NSMCE2: variants seen among roughly 807,000 people sequenced by gnomAD.
NSMCE2 encodes the protein NSE2 SUMO ligase component of SMC5/6 complex, also known as E3 SUMO-protein ligase NSE2.
In NSMCE2, 24 loss-of-function variants were observed where a neutral mutation model predicts 23.8. The observed-to-expected ratio is 1.01, with a 90% confidence interval of 0.73 to 1.42. NSMCE2 has a LOEUF of 1.42. Among genes scored for constraint, NSMCE2 ranks in the 40% most tolerant of loss-of-function variants. The pLI is 0.00. For synonymous variants in NSMCE2, 92 were observed against 94.1 expected (o/e 0.98, Z 0.13); for missense variants, 284 against 296.5 (o/e 0.96, Z 0.31).
intron 5 of NSMCE2, among the ~76,000 whole-genome samples, chr8:125,198,203 G>T (rs953410581): frequency 6.6e-6 from 1 of 152,066 alleles, no homozygotes; most frequent in African/African-American, 2.4e-5. Flanking sequence ...TGATTGCCCT[G>T]GCCAGAACTT....
At chr8:125,193,247 C>T (rs1048101849) in intron 5 of NSMCE2, among the ~76,000 whole-genome samples, 12 of 152,210 alleles carry the variant, frequency 7.9e-5, no homozygotes, top group East Asian at 5.8e-4. Context: ...CAACTTATCA[C>T]GACAGACATT....
intron 3 of NSMCE2, among the ~76,000 whole-genome samples, chr8:125,106,677 T>C (rs1279270412): frequency 6.8e-6 from 1 of 146,812 alleles, no homozygotes; most frequent in Non-Finnish European, 1.5e-5. Context: ...AGAGCAAGAC[T>C]CCATCTCAAA....
At chr8:125,294,107 G>A (rs1236000352) in intron 5 of NSMCE2, among the ~76,000 whole-genome samples, 1 of 152,104 alleles carries the variant, frequency 6.6e-6, no homozygotes, top group African/African-American at 2.4e-5. Context: ...ATGTTTTCAA[G>A]GTTTATCCAT....
chr8:125,135,324 T>TA lies in NSMCE2; in HGVS notation c.158-15846dup, dbSNP rs1029820742. Among the ~76,000 whole-genome samples, 23 of 152,286 alleles carry TA rather than the reference T, an allele frequency of 1.5e-4. 1 individual carries two copies. The highest frequency in any genetic ancestry group is 1.3e-3 in the Admixed American group (20 of 15,278). On this transcript the variant is annotated intron_variant, in intron 3 of 7. Transcript: ENST00000287437. Reference sequence around the variant, plus strand: ...CCTCAACTTCTCAAGTAGCTGGAATTACAAGCTCGAGCCTCTGTGCTTGGC... The same window carrying TA: ...CCTCAACTTCTCAAGTAGCTGGAATTAACAAGCTCGAGCCTCTGTGCTTGGC...
At chr8:125,364,652 T>C (rs1007235755) in intron 7 of NSMCE2, among the ~76,000 whole-genome samples, 1 of 152,100 alleles carries the variant, frequency 6.6e-6, no homozygotes, top group African/African-American at 2.4e-5. Context: ...ATATGCAAGA[T>C]AGAAATAGAT....
chr8:125,289,152 C>T (rs548259846), intron 5 of NSMCE2, among the ~76,000 whole-genome samples: 2 of 152,276 alleles, frequency 1.3e-5, no homozygotes, highest in African/African-American at 4.8e-5. Context: ...CTAAAACTTA[C>T]CACATCCTCA....
chr8:125,355,096 C>T (rs116378582), intron 5 of NSMCE2, among the ~76,000 whole-genome samples: 2,421 of 152,256 alleles, frequency 0.016, 55 homozygotes, highest in African/African-American at 0.055. Context: ...TTTCAAAGTC[C>T]GAAATCCGAA....
At chr8:125,292,564 A>G (rs1828152367) in intron 5 of NSMCE2, among the ~76,000 whole-genome samples, 1 of 152,142 alleles carries the variant, frequency 6.6e-6, no homozygotes, top group South Asian at 2.1e-4. Flanking sequence ...AAAAAAAAAA[A>G]GAACCTATGG....
chr8:125,151,497 A>G (rs963906855), intron 4 of NSMCE2: 1 of 346,172 alleles, frequency 2.9e-6, no homozygotes, highest in Non-Finnish European at 5.2e-6. Context: ...TCTATTTTAG[A>G]TTGCTTGCAA....
At chr8:125,258,281 G>C (rs1563748363) in intron 5 of NSMCE2, among the ~76,000 whole-genome samples, 1 of 152,222 alleles carries the variant, frequency 6.6e-6, no homozygotes, top group Non-Finnish European at 1.5e-5. Context: ...ACAGTGGTGA[G>C]TCTTAGAGTA....
intron 5 of NSMCE2, among the ~76,000 whole-genome samples, chr8:125,193,780 C>T (rs1380817671): frequency 2.0e-5 from 3 of 152,208 alleles, no homozygotes; most frequent in Non-Finnish European, 4.4e-5. Flanking sequence ...TTTATCTTCA[C>T]CCCTAGTTTT....
chr8:125,305,899 C>T (rs1294971786), intron 5 of NSMCE2, among the ~76,000 whole-genome samples: 1 of 152,150 alleles, frequency 6.6e-6, no homozygotes, highest in Non-Finnish European at 1.5e-5. Flanking sequence ...ATCCATTAAA[C>T]AATAACAATC....
At chr8:125,219,232 GT>G (rs1160175156) in intron 5 of NSMCE2, among the ~76,000 whole-genome samples, 1 of 152,148 alleles carries the variant, frequency 6.6e-6, no homozygotes, top group African/African-American at 2.4e-5. Context: ...TACTTTCAGT[GT>G]TCCAAAGCCT....
intron 5 of NSMCE2, among the ~76,000 whole-genome samples, chr8:125,236,488 G>A (rs6981647): frequency 0.075 from 11,375 of 151,910 alleles, 532 homozygotes; most frequent in Middle Eastern, 0.27. Flanking sequence ...ATAAATTTAT[G>A]TGTATATATA....
chr8:125,102,261 C>T (rs1818229174), intron 2 of NSMCE2, 56 bp from the exon 3 acceptor site: 1 of 1,128,322 alleles, frequency 8.9e-7, no homozygotes, highest in South Asian at 1.3e-5. Context: ...TAATATTTTC[C>T]TGTGCAGTTA....
At chr8:125,190,402 G>T (rs911188638) in intron 5 of NSMCE2, among the ~76,000 whole-genome samples, 7 of 152,176 alleles carry the variant, frequency 4.6e-5, no homozygotes, top group Admixed American at 3.3e-4. Context: ...AGTAGAACCA[G>T]AAGACAGACG....
At chr8:125,166,359 C>G (rs542286275) in intron 4 of NSMCE2, among the ~76,000 whole-genome samples, 11 of 152,076 alleles carry the variant, frequency 7.2e-5, no homozygotes, top group Non-Finnish European at 1.3e-4. Flanking sequence ...CTCTGCCTCC[C>G]AGGTTCAAGA....
intron 6 of NSMCE2, 66 bp downstream of exon 6, chr8:125,357,385 G>C (rs907159790): frequency 2.6e-6 from 3 of 1,141,676 alleles, no homozygotes; most frequent in African/African-American, 3.1e-5. Context: ...AAAGGTTCCT[G>C]TTTGCTTTCT....
In NSMCE2 at chr8:125,108,637, C is replaced by T. The variant is rs144375136; in HGVS notation, c.157+6150C>T. On this transcript the variant is annotated intron_variant, in intron 3 of 7. Coordinates refer to ENST00000287437, the MANE Select transcript of NSMCE2 (RefSeq NM_173685.4). Reference sequence around the variant, plus strand: ...GCCACAATGTTAATTCAATAGCTATCATATATGACAACCAGCAATTAGTAA... The same window carrying T: ...GCCACAATGTTAATTCAATAGCTATTATATATGACAACCAGCAATTAGTAA... Among the ~76,000 whole-genome samples, 6 of 152,262 alleles carry T rather than the reference C, an allele frequency of 3.9e-5. No individual in the cohort carries two copies. In the East Asian group the frequency reaches 1.2e-3, roughly 29 times the overall value.
Sources: allele counts gnomAD v4.1 joint callset (sites outside exome capture counted in the v4.1 genomes callset), GRCh38; gene constraint gnomAD v4.1.1; transcripts MANE v1.5; gene names NCBI Gene and HGNC (gene_info 2026-07-23, HGNC 2026-07-21).